YARS1: variants seen among roughly 807,000 people sequenced by gnomAD.
YARS1 encodes tyrosine--tRNA ligase, cytoplasmic.
In YARS1, 36 loss-of-function variants were observed where a neutral mutation model predicts 62.2. The observed-to-expected ratio is 0.58, with a 90% CI of 0.44 to 0.76. The LOEUF (loss-of-function observed/expected upper bound fraction) is 0.76. Ranked by LOEUF, YARS1 falls within the 30% of genes least tolerant of loss-of-function variation. The pLI is 0.00. For missense variants in YARS1, 524 were observed against 639.8 expected (o/e 0.82, Z 1.95); for synonymous variants, 234 against 244.9 (o/e 0.96, Z 0.42).
chr1:32,782,891 C>T, intron 8 of YARS1: 1 of 298,416 alleles, frequency 3.4e-6, no homozygotes. Context: ...TAAAGATAAC[C>T]TGAGGGAGAC....
At position 32,776,328 on chromosome 1, in the gene YARS1, G is replaced by C. The variant is rs1225674665; in HGVS notation, c.1477-237C>G. ...ACGCCCGACTAATTTTGTACTTTTA[G>C]TAGACACGGGGTTTCTCCATGTTGG... On this transcript the variant is annotated intron_variant, in intron 12 of 12. Coordinates refer to ENST00000373477, the MANE Select transcript of YARS1 (RefSeq NM_003680.4). This position sits in a 1 kb window ranked among gnomAD's most constrained non-coding sequence, Gnocchi z 4.0. Among the ~76,000 whole-genome samples, 2 of 152,024 alleles carry C rather than the reference G, an allele frequency of 1.3e-5. No homozygotes were observed. The highest frequency in any genetic ancestry group is 2.9e-5 in the Non-Finnish European group (2 of 68,022).
At chr1:32,787,695 A>G (rs1021870744) in intron 6 of YARS1, among the ~76,000 whole-genome samples, 1 of 151,772 alleles carries the variant, frequency 6.6e-6, no homozygotes. Context: ...TTGTATTTTT[A>G]GTAGAGACAG....
chr1:32,793,553 A>T (rs1420401823), intron 5 of YARS1, among the ~76,000 whole-genome samples: 1 of 152,120 alleles, frequency 6.6e-6, no homozygotes, highest in Non-Finnish European at 1.5e-5. Context: ...CTGAGGTGGG[A>T]GGATCATCTG....
At chr1:32,783,654 G>C (rs1342821264) in intron 8 of YARS1, 1 of 152,184 alleles carries the variant, frequency 6.6e-6, no homozygotes, top group Non-Finnish European at 1.5e-5. Flanking sequence ...GAATCTTCTA[G>C]ATATTCTGAG....
At chr1:32,780,383 C>G in intron 10 of YARS1, 105 bp from the exon 11 acceptor site, 1 of 1,308,666 alleles carries the variant, frequency 7.6e-7, no homozygotes, top group Non-Finnish European at 1.1e-6. Flanking sequence ...TACAGAGGCC[C>G]CTGGAAAGAC....
At chr1:32,787,177 T>C in intron 6 of YARS1, 102 bp from the exon 7 acceptor site, 8 of 1,372,006 alleles carry the variant, frequency 5.8e-6, no homozygotes, top group Admixed American at 2.0e-5. Context: ...TCACCCAGGC[T>C]GGAGTGCAGT....
At chr1:32,803,816 T>C (rs926048865) in intron 4 of YARS1, among the ~76,000 whole-genome samples, 13 of 151,796 alleles carry the variant, frequency 8.6e-5, no homozygotes, top group Non-Finnish European at 1.5e-4. Context: ...CATAGGACAA[T>C]AGTGGAGGGA....
chr1:32,797,581 C>T (rs1408421552), intron 5 of YARS1, 182 bp downstream of exon 5: 6 of 628,516 alleles, frequency 9.5e-6, no homozygotes, highest in Admixed American at 2.5e-5. Flanking sequence ...AATTCCTGCT[C>T]AGTTACTAAC....
At chr1:32,802,708 T>C (rs1303963338) in intron 4 of YARS1, among the ~76,000 whole-genome samples, 1 of 152,076 alleles carries the variant, frequency 6.6e-6, no homozygotes, top group Non-Finnish European at 1.5e-5. Context: ...TTTTGAGGAG[T>C]AGGTCTCAAA....
At chr1:32,816,864 TG>T in intron 1 of YARS1, 1 of 522,424 alleles carries the variant, frequency 1.9e-6, no homozygotes, top group Non-Finnish European at 3.5e-6. Flanking sequence ...AGACAAGCTC[TG>T]GCAGGCCCTT....
In YARS1 at chr1:32,790,181, CT is replaced by C. The variant is rs750131866; in HGVS notation, c.684+980del. Among the ~76,000 whole-genome samples, 651 of 115,386 alleles carry C rather than the reference CT, an allele frequency of 5.6e-3. 2 individuals carry two copies. Among genetic ancestry groups the C allele is most frequent in the African/African-American group, 0.01 (310 of 30,620 alleles). 75.7% of individuals were successfully genotyped at this position (115,386 alleles called of 152,430 possible). ...TACAGGCGTGAGCCACCACGCAGGC[CT>C]TTTTTTTTTTTTTTTTTTTTAATTT... On this transcript the variant is annotated intron_variant, in intron 6 of 12. Transcript: ENST00000373477.
chr1:32,779,757 G>C, intron 11 of YARS1: 1 of 629,382 alleles, frequency 1.6e-6, no homozygotes, highest in East Asian at 2.8e-5. Context: ...TGTTTCTAGG[G>C]GAGGAAGTAT....
chr1:32,780,944 A>G, intron 10 of YARS1, 104 bp downstream of exon 10: 1 of 1,015,132 alleles, frequency 9.9e-7, no homozygotes, highest in Non-Finnish European at 1.6e-6. Context: ...TTGCAATATG[A>G]CCTCAGGATG....
intron 11 of YARS1, chr1:32,779,807 G>A: frequency 1.6e-6 from 1 of 607,194 alleles, no homozygotes; most frequent in Non-Finnish European, 2.9e-6. Context: ...TCAAAACTGG[G>A]ATTTGAATCC....
At chr1:32,780,839 T>G in intron 10 of YARS1, 1 of 620,536 alleles carries the variant, frequency 1.6e-6, no homozygotes, top group Non-Finnish European at 2.9e-6. Context: ...CCGTCCCCCA[T>G]GCTGAGTTCC....
chr1:32,804,308 G>GT, intron 4 of YARS1, among the ~76,000 whole-genome samples: 1 of 151,236 alleles, frequency 6.6e-6, no homozygotes, highest in Non-Finnish European at 1.5e-5. Flanking sequence ...CTTCCCAGAC[G>GT]GGGCGGCCGG....
intron 4 of YARS1, among the ~76,000 whole-genome samples, chr1:32,801,942 C>CTTTT (rs34270752): frequency 1.1e-3 from 114 of 103,874 alleles, no homozygotes; most frequent in Non-Finnish European, 1.3e-3. Context: ...CTTGTTATTT[C>CTTTT]TTTTTTTTTT....
At chr1:32,814,719 G>C (rs1638661515) in intron 1 of YARS1, among the ~76,000 whole-genome samples, 1 of 152,236 alleles carries the variant, frequency 6.6e-6, no homozygotes, top group Non-Finnish European at 1.5e-5. Flanking sequence ...AAGGTAGCCA[G>C]AGACAGTCTT....
In YARS1 at chr1:32,786,399, G is replaced by A; in HGVS notation, c.869C>T (p.Thr290Ile). The change falls in exon 8 of 13, where the codon ACA (threonine) becomes ATA (isoleucine). Residue 290 changes from threonine to isoleucine, a missense_variant. Transcript: ENST00000373477. ...DEKWGGNKTY[T>I]AYVDLEKDFA... ...GTCCTTTTCCAGGTCCACGTAAGCT[G>A]TGTAGGTTTTGTTTCCACCCCATTT... 2 of 1,614,028 alleles carry A rather than the reference G, an allele frequency of 1.2e-6. No individual in the cohort carries two copies. Among genetic ancestry groups the A allele is most frequent in the Non-Finnish European group, 1.7e-6 (2 of 1,180,000 alleles).
Sources: allele counts gnomAD v4.1 joint callset (sites outside exome capture counted in the v4.1 genomes callset), GRCh38; gene constraint gnomAD v4.1.1; non-coding constraint Gnocchi (gnomAD v3.1); transcripts MANE v1.5; gene names NCBI Gene and HGNC (gene_info 2026-07-23, HGNC 2026-07-21).